Variants in SLC38A11 observed in about 807,000 individuals in gnomAD.
SLC38A11 encodes putative sodium-coupled neutral amino acid transporter 11.
In SLC38A11, 51 loss-of-function variants were observed where a neutral mutation model predicts 49.4. That is an observed-to-expected ratio of 1.03 (90% CI 0.83 to 1.30). The LOEUF (loss-of-function observed/expected upper bound fraction) is 1.30, where lower values mean the gene tolerates loss of function less well. Ranked by LOEUF, SLC38A11 falls within the 50% of genes most tolerant of loss-of-function variation. The pLI, the probability that SLC38A11 is intolerant of heterozygous loss-of-function variation, is 0.00. For synonymous variants in SLC38A11, 203 were observed against 192.9 expected (o/e 1.05, Z -0.43); for missense variants, 574 against 556.2 (o/e 1.03, Z -0.32).
intron 9 of SLC38A11, among the ~76,000 whole-genome samples, chr2:164,912,674 C>G (rs7586187): frequency 0.63 from 95,762 of 151,728 alleles, 30,347 homozygotes; most frequent in Admixed American, 0.68. Context: ...TGTAAATGCA[C>G]TGATTCAAAA....
intron 6 of SLC38A11, among the ~76,000 whole-genome samples, chr2:164,938,378 A>G (rs953164984): frequency 1.3e-5 from 2 of 152,122 alleles, no homozygotes; most frequent in Non-Finnish European, 2.9e-5. Context: ...TCATGGAGTG[A>G]TTTATTTAGA....
chr2:164,931,710 A>G (rs1687021032), intron 7 of SLC38A11, among the ~76,000 whole-genome samples: 1 of 152,062 alleles, frequency 6.6e-6, no homozygotes, highest in South Asian at 2.1e-4. Flanking sequence ...TGGGATAACT[A>G]GCTAGCCAAA....
In SLC38A11 at chr2:164,954,299, G is replaced by A. The variant is rs373856467; in HGVS notation, c.154+332C>T. Reference sequence around the variant, plus strand: ...ATAATGATGGACCCTTCAGTAAGTGGAAAAAGTACATTCGGTAACACTAGC... The same window carrying A: ...ATAATGATGGACCCTTCAGTAAGTGAAAAAAGTACATTCGGTAACACTAGC... On this transcript the variant is annotated intron_variant, in intron 2 of 11. Coordinates refer to ENST00000685975, the MANE Select transcript of SLC38A11 (RefSeq NM_001351537.2). Among the ~76,000 whole-genome samples, 6 of 152,068 alleles carry A rather than the reference G, an allele frequency of 3.9e-5. No homozygotes were observed. In the South Asian group the frequency reaches 1.2e-3, roughly 32 times the overall value.
intron 3 of SLC38A11, 79 bp downstream of exon 3, chr2:164,952,628 A>ATGTG (rs35633373): frequency 0.011 from 9,241 of 812,648 alleles, 19 homozygotes; most frequent in Non-Finnish European, 0.016. Flanking sequence ...CAGTTGCAGC[A>ATGTG]TGTGTGTGTG....
In SLC38A11 at chr2:164,947,244, G is replaced by A. The variant is rs1232250810; in HGVS notation, c.230-1517C>T. ...CCTCCTGGGTTCAAATGATTTTCCTGCCTCAGCTTCCTGATCAGTTGGGAT... is the reference window on the plus strand; with the variant it reads ...CCTCCTGGGTTCAAATGATTTTCCTACCTCAGCTTCCTGATCAGTTGGGAT... On this transcript the variant is annotated intron_variant, in intron 3 of 11. Coordinates refer to ENST00000685975, the MANE Select transcript of SLC38A11 (RefSeq NM_001351537.2). Among the ~76,000 whole-genome samples, 4 of 143,098 alleles carry A rather than the reference G, an allele frequency of 2.8e-5. No homozygotes were observed. The East Asian group carries it at 8.6e-4, about 31-fold the overall frequency. 93.9% of individuals were successfully genotyped at this position (143,098 alleles called of 152,430 possible).
chr2:164,915,511 TTC>T (rs931784498), intron 8 of SLC38A11: 7 of 437,150 alleles, frequency 1.6e-5, no homozygotes, highest in African/African-American at 1.2e-4. Flanking sequence ...CAGTCCAACA[TTC>T]TCTCTCATTT....
At chr2:164,937,464 G>T in intron 6 of SLC38A11, 35 bp from the exon 7 acceptor site, 1 of 1,260,790 alleles carries the variant, frequency 7.9e-7, no homozygotes. Context: ...TGCCGGTTTA[G>T]GACAGAAATT....
At chr2:164,937,547 CT>C in intron 6 of SLC38A11, 118 bp from the exon 7 acceptor site, 1 of 646,414 alleles carries the variant, frequency 1.5e-6, no homozygotes. Flanking sequence ...TTGCCTAATT[CT>C]TTAGTAGGTT....
intron 11 of SLC38A11, among the ~76,000 whole-genome samples, chr2:164,904,552 T>C (rs1237336402): frequency 6.6e-6 from 1 of 152,186 alleles, no homozygotes; most frequent in African/African-American, 2.4e-5. Context: ...TCTGTGAAGC[T>C]CATTATTCTA....
intron 9 of SLC38A11, among the ~76,000 whole-genome samples, chr2:164,913,725 A>G (rs1685566418): frequency 6.6e-6 from 1 of 152,104 alleles, no homozygotes; most frequent in Non-Finnish European, 1.5e-5. Context: ...ACCAGAGCCC[A>G]TAGGCCATTT....
chr2:164,929,057 A>G (rs998435956), intron 7 of SLC38A11, among the ~76,000 whole-genome samples: 1 of 152,118 alleles, frequency 6.6e-6, no homozygotes. Context: ...CTGTTTTGCC[A>G]TGTTACTTTC....
chr2:164,916,387 C>T (rs1406103627), intron 7 of SLC38A11, among the ~76,000 whole-genome samples: 1 of 151,914 alleles, frequency 6.6e-6, no homozygotes, highest in Non-Finnish European at 1.5e-5. Flanking sequence ...TTAACCTACC[C>T]AAGAAAAATT....
intron 11 of SLC38A11, among the ~76,000 whole-genome samples, chr2:164,901,443 A>G (rs1684646105): frequency 6.6e-6 from 1 of 152,054 alleles, no homozygotes; most frequent in South Asian, 2.1e-4. Context: ...TTCCTTCAGC[A>G]AGATTTTATA....
chr2:164,940,924 A>G (rs558652619), intron 5 of SLC38A11, among the ~76,000 whole-genome samples: 13 of 152,154 alleles, frequency 8.5e-5, no homozygotes, highest in Admixed American at 7.9e-4. Flanking sequence ...CTCACTATTT[A>G]CATATTTGTG....
At chr2:164,950,759 C>G (rs1474521593) in intron 3 of SLC38A11, among the ~76,000 whole-genome samples, 2 of 152,068 alleles carry the variant, frequency 1.3e-5, no homozygotes, top group Non-Finnish European at 2.9e-5. Flanking sequence ...GAAAACAGAA[C>G]TTAGAAAAAC....
At chr2:164,908,532 CT>C (rs756638607) in intron 11 of SLC38A11, 107 bp downstream of exon 11, 19 of 1,033,156 alleles carry the variant, frequency 1.8e-5, no homozygotes, top group Non-Finnish European at 2.5e-5. Flanking sequence ...TTTGATTCCA[CT>C]TCAAAAGTGA....
intron 9 of SLC38A11, among the ~76,000 whole-genome samples, chr2:164,913,841 C>A (rs1319646486): frequency 3.3e-5 from 5 of 151,982 alleles, no homozygotes; most frequent in Non-Finnish European, 7.4e-5. Context: ...GTGGCACAGG[C>A]ATGTATTATA....
chr2:164,916,897 A>G (rs1685832393), intron 7 of SLC38A11, among the ~76,000 whole-genome samples: 1 of 152,150 alleles, frequency 6.6e-6, no homozygotes, highest in African/African-American at 2.4e-5. Context: ...GTGTGATTTT[A>G]GGCAAGTTAC....
At chr2:164,928,454 G>T (rs545445317) in intron 7 of SLC38A11, among the ~76,000 whole-genome samples, 52 of 152,268 alleles carry the variant, frequency 3.4e-4, no homozygotes, top group Admixed American at 1.4e-3. Context: ...TCCAGTTGAT[G>T]ATTCAGCAAT....
Sources: gnomAD v4.1 joint callset for allele counts (sites outside exome capture counted in the v4.1 genomes callset) on GRCh38, gnomAD v4.1.1 for gene constraint, MANE v1.5 for transcripts, NCBI Gene and HGNC (gene_info 2026-07-23, HGNC 2026-07-21) for gene names.